Variants in RNF216 observed in about 807,000 individuals in gnomAD.
RNF216 encodes ring finger protein 216.
Under a neutral mutation model 110.8 loss-of-function variants are expected in RNF216, and 72 were observed. The ratio of observed to expected loss-of-function variants is 0.65; its 90% CI spans 0.54 to 0.79. RNF216 has a LOEUF of 0.79. Ranked by LOEUF, RNF216 falls within the 30% of genes least tolerant of loss-of-function variation. The pLI is 0.00. For synonymous variants in RNF216, 495 were observed against 407.5 expected, an observed-to-expected ratio of 1.21 and a Z score of -2.59; for missense variants, 1,342 against 1,141.2, an observed-to-expected ratio of 1.18 and a Z score of -2.54.
chr7:5,752,006 T>A (rs554906916), intron 3 of RNF216, among the ~76,000 whole-genome samples: 1 of 151,828 alleles, frequency 6.6e-6, no homozygotes, highest in South Asian at 2.1e-4. Flanking sequence ...GCCAAGATAG[T>A]TAAACCTATC....
At chr7:5,689,688 C>T (rs575002836) in intron 13 of RNF216, among the ~76,000 whole-genome samples, 7 of 152,138 alleles carry the variant, frequency 4.6e-5, no homozygotes, top group Non-Finnish European at 7.4e-5. Context: ...CATGGTGGCT[C>T]ACGCCTGTAA....
chr7:5,720,397 C>A (rs780476440), intron 9 of RNF216, among the ~76,000 whole-genome samples: 1 of 152,168 alleles, frequency 6.6e-6, no homozygotes, highest in Non-Finnish European at 1.5e-5. Context: ...CTCTAGCTTA[C>A]CTTATTCTAA....
intron 13 of RNF216, 68 bp downstream of exon 13, chr7:5,711,693 T>C (rs537710575): frequency 9.6e-6 from 12 of 1,255,096 alleles, no homozygotes; most frequent in Admixed American, 2.0e-5. Flanking sequence ...CAGCAGATAT[T>C]TGGGCCATGA....
intron 6 of RNF216, among the ~76,000 whole-genome samples, chr7:5,730,504 T>C (rs1369455659): frequency 3.3e-5 from 5 of 152,220 alleles, no homozygotes; most frequent in African/African-American, 7.2e-5. Flanking sequence ...CAAGGAAAGA[T>C]AGAAGTTAAA....
At chr7:5,629,941 G>A (rs1786968724) in intron 15 of RNF216, among the ~76,000 whole-genome samples, 1 of 152,176 alleles carries the variant, frequency 6.6e-6, no homozygotes, top group Admixed American at 6.5e-5. Context: ...AGTGACAGAT[G>A]GGGTATTGAG....
At chr7:5,767,178 A>G (rs1796250984) in intron 1 of RNF216, among the ~76,000 whole-genome samples, 1 of 152,254 alleles carries the variant, frequency 6.6e-6, no homozygotes, top group Admixed American at 6.5e-5. Context: ...ACGAATATAT[A>G]AAACACATCT....
At position 5,624,661 on chromosome 7, in the gene RNF216, A is replaced by G. The variant is rs1786597754; in HGVS notation, c.2383-536T>C. ...CTCGGGGAGAGGAGGAAGGTGCGAC[A>G]GTGAGGATGGTCCCCCTCGGACCTT... On this transcript the variant is annotated intron_variant, in intron 15 of 16. Transcript: ENST00000389902. This position sits in a 1 kb window ranked among gnomAD's most constrained non-coding sequence, Gnocchi z 4.4. Among the ~76,000 whole-genome samples the G allele has an allele frequency of 6.6e-6, 1 of 152,228 alleles. No homozygotes were observed.
rs1786611719 is a variant in RNF216, at chr7:5,624,882, AC to A, written c.2383-758del. The stretch of plus-strand genomic sequence containing the variant: ...GGTTTTTGCCACATGCAGCTCCCAC[AC>A]CCCCACCTGCCAGCAGACACCATGG... On this transcript the variant is annotated intron_variant, in intron 15 of 16. Transcript: ENST00000389902. The surrounding 1 kb of genome is among the most constrained non-coding windows in gnomAD (Gnocchi z 4.4). 3.9e-5 allele frequency among the ~76,000 whole-genome samples: 6 copies of A among 152,100 alleles called. No individual in the cohort carries two copies. In the South Asian group the frequency reaches 1.2e-3, roughly 32 times the overall value.
At chr7:5,770,519 C>T (rs889233763) in intron 1 of RNF216, among the ~76,000 whole-genome samples, 3 of 151,370 alleles carry the variant, frequency 2.0e-5, no homozygotes, top group African/African-American at 7.3e-5. Flanking sequence ...TAGAGACATA[C>T]CATATTCACG....
chr7:5,673,484 T>A (rs1790059181), intron 13 of RNF216, among the ~76,000 whole-genome samples: 1 of 152,130 alleles, frequency 6.6e-6, no homozygotes, highest in South Asian at 2.1e-4. Context: ...CACTGCAGGT[T>A]CCAACTGGGG....
intron 13 of RNF216, among the ~76,000 whole-genome samples, chr7:5,656,208 G>A (rs1014894866): frequency 4.6e-5 from 7 of 152,200 alleles, no homozygotes; most frequent in South Asian, 2.1e-4. Flanking sequence ...GGTGGAGGTT[G>A]CATTGAGCTG....
intron 13 of RNF216, among the ~76,000 whole-genome samples, chr7:5,656,564 G>C (rs542177113): frequency 2.0e-5 from 3 of 152,024 alleles, no homozygotes; most frequent in Admixed American, 6.5e-5. Context: ...GCCCTCTCAG[G>C]GGGGAAGGAG....
intron 2 of RNF216, among the ~76,000 whole-genome samples, chr7:5,758,672 T>C (rs960714744): frequency 6.6e-6 from 1 of 152,154 alleles, no homozygotes; most frequent in African/African-American, 2.4e-5. Context: ...ACCTCTTGCG[T>C]CTTTCTTTTG....
chr7:5,637,607 C>T (rs1268193332), intron 15 of RNF216, among the ~76,000 whole-genome samples: 10 of 152,168 alleles, frequency 6.6e-5, no homozygotes, highest in Admixed American at 5.2e-4. Context: ...AGTGTAGTGG[C>T]GCAGTCAGGG....
chr7:5,635,650 G>T (rs367707024), intron 15 of RNF216, among the ~76,000 whole-genome samples: 11 of 152,162 alleles, frequency 7.2e-5, no homozygotes, highest in African/African-American at 2.4e-4. Context: ...GCGCTGGCCT[G>T]AGGGGAGAAG....
chr7:5,672,033 G>A (rs1789953665), intron 13 of RNF216, among the ~76,000 whole-genome samples: 1 of 152,224 alleles, frequency 6.6e-6, no homozygotes, highest in East Asian at 1.9e-4. Context: ...AGGCAGCCGA[G>A]CTGACCAAGA....
intron 1 of RNF216, chr7:5,774,931 T>G (rs915689622): frequency 2.0e-5 from 3 of 152,100 alleles, no homozygotes; most frequent in African/African-American, 7.2e-5. Flanking sequence ...ATATTTTTAG[T>G]AGAGATGAGG....
intron 16 of RNF216, 69 bp from the exon 17 acceptor site, chr7:5,623,248 A>C: frequency 6.9e-7 from 1 of 1,446,196 alleles, no homozygotes; most frequent in Non-Finnish European, 9.3e-7. Context: ...GCCTGGGACC[A>C]GGGCAGCGAC....
Position 5,741,393 on chromosome 7 carries a change from C to G in RNF216, c.624G>C (p.Leu208=), listed in dbSNP as rs777481711. The G allele has an allele frequency of 6.2e-7, 1 of 1,614,226 alleles. No individual in the cohort carries two copies. The highest frequency in any genetic ancestry group is 8.5e-7 in the Non-Finnish European group (1 of 1,180,030). Reference sequence around the variant, plus strand: ...CAGCTGACTCTCCTAGATTTGATAACAGCTCTGTCTCTGAGTCTTCGGATG... The same window carrying G: ...CAGCTGACTCTCCTAGATTTGATAAGAGCTCTGTCTCTGAGTCTTCGGATG... ...NQSSEDSETE[L]LSNLGESAAL... is the part of the protein sequence containing the mutation. The change falls in exon 4 of 17, where the codon CTG becomes CTC. Residue 208 remains leucine, a synonymous_variant. Transcript: ENST00000389902.
Sources: allele counts gnomAD v4.1 joint callset (sites outside exome capture counted in the v4.1 genomes callset), GRCh38; gene constraint gnomAD v4.1.1; non-coding constraint Gnocchi (gnomAD v3.1); transcripts MANE v1.5; gene names NCBI Gene and HGNC (gene_info 2026-07-23, HGNC 2026-07-21).